The following NKAIN3 variants were observed in gnomAD, a reference collection of about 807,000 sequenced individuals.
NKAIN3 encodes sodium/potassium-transporting ATPase subunit beta-1-interacting protein 3.
Under a neutral mutation model 30.2 loss-of-function variants are expected in NKAIN3, and 25 were observed. The observed-to-expected ratio is 0.83, with a 90% CI of 0.60 to 1.16. The LOEUF is 1.16. Ranked by LOEUF, NKAIN3 falls within the 50% of genes most tolerant of loss-of-function variation. NKAIN3 has a pLI of 0.00. For missense variants in NKAIN3, 225 were observed against 254.1 expected, an observed-to-expected ratio of 0.89 and a Z score of 0.78; for synonymous variants, 91 against 89.6, an observed-to-expected ratio of 1.02 and a Z score of -0.09.
At chr8:62,997,218 G>A (rs1254042025) in intron 5 of NKAIN3, among the ~76,000 whole-genome samples, 1 of 152,132 alleles carries the variant, frequency 6.6e-6, no homozygotes, top group Non-Finnish European at 1.5e-5. Flanking sequence ...GAAAAAAGTT[G>A]CTTCTGGCAC....
At chr8:62,570,623 C>T (rs552143188) in intron 1 of NKAIN3, among the ~76,000 whole-genome samples, 15 of 152,128 alleles carry the variant, frequency 9.9e-5, no homozygotes, top group Middle Eastern at 3.4e-3. Flanking sequence ...GAAAGACTCG[C>T]CCCCGTGATT....
intron 1 of NKAIN3, among the ~76,000 whole-genome samples, chr8:62,500,469 GAAA>G (rs1563427408): frequency 3.8e-4 from 45 of 119,320 alleles, no homozygotes; most frequent in African/African-American, 1.4e-3. Context: ...AAGAAAGAAA[GAAA>G]GAAAGAAAGA....
intron 4 of NKAIN3, among the ~76,000 whole-genome samples, chr8:62,905,455 T>A (rs1821747462): frequency 6.6e-6 from 1 of 152,208 alleles, no homozygotes; most frequent in Non-Finnish European, 1.5e-5. Flanking sequence ...CATGCTATAA[T>A]TGCTATAAAA....
At chr8:62,997,179 A>T (rs1743952868) in intron 5 of NKAIN3, among the ~76,000 whole-genome samples, 2 of 152,140 alleles carry the variant, frequency 1.3e-5, no homozygotes, top group Non-Finnish European at 2.9e-5. Context: ...TTAAGAAAAA[A>T]ATTCCTTCCC....
intron 1 of NKAIN3, among the ~76,000 whole-genome samples, chr8:62,559,210 G>A (rs934171714): frequency 6.6e-6 from 1 of 151,888 alleles, no homozygotes; most frequent in Non-Finnish European, 1.5e-5. Context: ...TTGTGCTGTA[G>A]TATACTTTTT....
intron 1 of NKAIN3, among the ~76,000 whole-genome samples, chr8:62,419,141 A>G (rs1440911476): frequency 6.6e-6 from 1 of 152,106 alleles, no homozygotes; most frequent in East Asian, 1.9e-4. Flanking sequence ...CAGTGCATGC[A>G]CTGCATTCTG....
At chr8:62,985,366 C>A (rs1824181382), downstream of NKAIN3, among the ~76,000 whole-genome samples, 1 of 152,190 alleles carries the variant, frequency 6.6e-6, no homozygotes, top group Non-Finnish European at 1.5e-5. Context: ...TAAAGTAGGT[C>A]TCAGGTACCA....
chr8:62,380,382 G>A (rs1362336787), intron 1 of NKAIN3, among the ~76,000 whole-genome samples: 1 of 152,088 alleles, frequency 6.6e-6, no homozygotes, highest in Non-Finnish European at 1.5e-5. Context: ...TATACATAAT[G>A]GGCTTTTTCA....
chr8:62,930,109 T>C (rs1822571169), intron 5 of NKAIN3, among the ~76,000 whole-genome samples: 1 of 152,222 alleles, frequency 6.6e-6, no homozygotes, highest in African/African-American at 2.4e-5. Context: ...CTCAGTGGCA[T>C]TAGGTACATT....
chr8:62,950,675 G>GA (rs1182497140), intron 5 of NKAIN3, among the ~76,000 whole-genome samples: 1 of 152,014 alleles, frequency 6.6e-6, no homozygotes, highest in Non-Finnish European at 1.5e-5. Context: ...AAAAAGAAAA[G>GA]AAAAAACACA....
intron 1 of NKAIN3, among the ~76,000 whole-genome samples, chr8:62,550,769 T>C (rs997668591): frequency 6.6e-6 from 1 of 152,182 alleles, no homozygotes; most frequent in African/African-American, 2.4e-5. Context: ...TCTCCTTTGT[T>C]ATAGGAAATG....
At chr8:62,899,690 A>G (rs941716362) in intron 4 of NKAIN3, among the ~76,000 whole-genome samples, 5 of 152,182 alleles carry the variant, frequency 3.3e-5, no homozygotes, top group Non-Finnish European at 1.5e-5. Flanking sequence ...TAACAGGGTG[A>G]CTATAGTCTA....
chr8:62,838,340 A>T (rs763074173), intron 4 of NKAIN3, among the ~76,000 whole-genome samples: 13 of 151,926 alleles, frequency 8.6e-5, no homozygotes, highest in Non-Finnish European at 1.6e-4. Flanking sequence ...ACACACACAC[A>T]TATATACACA....
At chr8:62,320,524 C>T (rs1375871660) in intron 1 of NKAIN3, among the ~76,000 whole-genome samples, 2 of 152,120 alleles carry the variant, frequency 1.3e-5, no homozygotes, top group East Asian at 3.9e-4. Flanking sequence ...TTAGGGCAGG[C>T]CTGGTGGTGA....
intron 5 of NKAIN3, among the ~76,000 whole-genome samples, chr8:62,924,124 C>T (rs1822367407): frequency 1.3e-5 from 2 of 152,132 alleles, no homozygotes; most frequent in Non-Finnish European, 2.9e-5. Flanking sequence ...CCTCCCTCCC[C>T]AACCTCCAGC....
At chr8:62,445,676 CT>C (rs1460943674) in intron 1 of NKAIN3, among the ~76,000 whole-genome samples, 1 of 152,112 alleles carries the variant, frequency 6.6e-6, no homozygotes, top group Non-Finnish European at 1.5e-5. Context: ...GAGTTTCATT[CT>C]GTATTGGTCC....
chr8:62,898,104 A>G (rs1250694737), intron 4 of NKAIN3, among the ~76,000 whole-genome samples: 4 of 152,162 alleles, frequency 2.6e-5, no homozygotes, highest in Non-Finnish European at 5.9e-5. Context: ...AAAAATAATG[A>G]ATCTCCTGGA....
intron 4 of NKAIN3, among the ~76,000 whole-genome samples, chr8:62,839,263 A>G (rs1426377915): frequency 1.3e-5 from 2 of 151,750 alleles, no homozygotes; most frequent in Non-Finnish European, 2.9e-5. Context: ...TAAGCCTGAC[A>G]GACTATTCTA....
At chr8:62,856,980 C>T (rs1820079655) in intron 4 of NKAIN3, 2 of 533,982 alleles carry the variant, frequency 3.7e-6, no homozygotes, top group Non-Finnish European at 7.3e-6. Context: ...AACAAACTAT[C>T]TCTTCCTGAA....
Sources: gnomAD v4.1 joint callset for allele counts (sites outside exome capture counted in the v4.1 genomes callset) on GRCh38, gnomAD v4.1.1 for gene constraint, MANE v1.5 for transcripts, NCBI Gene and HGNC (gene_info 2026-07-23, HGNC 2026-07-21) for gene names.